HSPG2: variants seen among roughly 807,000 people sequenced by gnomAD.
HSPG2 encodes basement membrane-specific heparan sulfate proteoglycan core protein.
HSPG2 carries 278 observed loss-of-function variants against 526.6 expected under a neutral mutation model. That is an observed-to-expected ratio of 0.53 (90% CI 0.48 to 0.58). HSPG2 has a LOEUF of 0.58. Among genes scored for constraint, HSPG2 ranks in the 20% least tolerant of loss-of-function variants. The pLI, the probability that HSPG2 is intolerant of heterozygous loss-of-function variation, is 0.00. For synonymous variants in HSPG2, 2,465 were observed against 2,555.4 expected (o/e 0.96, Z 1.07); for missense variants, 5,354 against 6,099.5 (o/e 0.88, Z 4.07).
Position 21,890,176 on chromosome 1 carries a change from C to T in HSPG2, c.414-35G>A, listed in dbSNP as rs368722903. On this transcript the variant is annotated intron_variant, in intron 5 of 96. Coordinates refer to ENST00000374695, the MANE Select transcript of HSPG2 (RefSeq NM_005529.7). The surrounding 1 kb of genome is among the most constrained non-coding windows in gnomAD (Gnocchi z 4.1). Reference sequence around the variant, plus strand: ...GAGACAGGCAGGAGAGGAGGGTCAGCGAGACACCTGTGTTCTCAGCTCCTC... The same window carrying T: ...GAGACAGGCAGGAGAGGAGGGTCAGTGAGACACCTGTGTTCTCAGCTCCTC... The T allele has an allele frequency of 6.7e-5, 108 of 1,612,822 alleles. 2 individuals are homozygous for T. The African/African-American group carries it at 1.2e-3, about 18-fold the overall frequency.
At position 21,863,360 on chromosome 1, in the gene HSPG2, G is replaced by A. The variant is rs112707214; in HGVS notation, c.4740+740C>T. On this transcript the variant is annotated intron_variant, in intron 37 of 96. Transcript: ENST00000374695. ...TGCACTCCAGCCTGGGTGACGGAGC[G>A]AGACTGTCTTGAAAAAAAAAAGAAA... Among the ~76,000 whole-genome samples, 472 of 151,574 alleles carry A rather than the reference G, an allele frequency of 3.1e-3. 3 individuals are homozygous for A. The highest frequency in any genetic ancestry group is 0.011 in the African/African-American group (456 of 41,328).
rs537012215 is a variant in HSPG2 at position 21,855,917 on chromosome 1, C to T, written c.5576-5G>A. 3 of 1,607,878 alleles carry T rather than the reference C, an allele frequency of 1.9e-6. No homozygotes were observed. The African/African-American group carries it at 4.0e-5, about 21-fold the overall frequency. ...GGGCGGACAAGGTGCCCGAGGCTGA[C>T]AAGGGAGGAAAAGGAACATGCACTC... On this transcript the variant is annotated splice_polypyrimidine_tract_variant and splice_region_variant and intron_variant, in intron 44 of 96. Coordinates refer to ENST00000374695, the MANE Select transcript of HSPG2 (RefSeq NM_005529.7).
Position 21,849,036 on chromosome 1 carries a change from G to A in HSPG2, c.7447-5C>T, listed in dbSNP as rs756573541. 1.4e-5 allele frequency: 23 copies of A among 1,613,258 alleles called. No individual in the cohort carries two copies. The highest frequency in any genetic ancestry group is 1.9e-5 in the Non-Finnish European group (22 of 1,179,634). Reference sequence around the variant, plus strand: ...GCGTAGCCTCGAGCCATGCACCTGGGAGGGTCAGGAGGGAGGAGGCAGGCT... The same window carrying A: ...GCGTAGCCTCGAGCCATGCACCTGGAAGGGTCAGGAGGGAGGAGGCAGGCT... On this transcript the variant is annotated splice_region_variant and splice_polypyrimidine_tract_variant and intron_variant, in intron 57 of 96. Transcript: ENST00000374695.
At chr1:21,878,068 G>T in intron 21 of HSPG2, 118 bp downstream of exon 21, 2 of 931,986 alleles carry the variant, frequency 2.1e-6, no homozygotes, top group South Asian at 1.6e-5. Flanking sequence ...ACCAGCCTCT[G>T]ACTGGGTTAC....
intron 1 of HSPG2, among the ~76,000 whole-genome samples, chr1:21,926,787 A>AAT (rs1644206774): frequency 1.1e-5 from 1 of 91,884 alleles, no homozygotes; most frequent in Admixed American, 1.4e-4. Flanking sequence ...AAAAAAAAAA[A>AAT]AGAGAGAAAG....
Position 21,828,877 on chromosome 1 carries a change from C to G in HSPG2, c.12195G>C (p.Pro4065=), listed in dbSNP as rs573932867. The change falls in exon 88 of 97, where the codon CCG becomes CCC. Residue 4065 remains proline (P), a synonymous_variant. Coordinates refer to ENST00000374695, the MANE Select transcript of HSPG2 (RefSeq NM_005529.7). The surrounding 1 kb of genome is among the most constrained non-coding windows in gnomAD (Gnocchi z 6.0). ...GGVEPSVPLS[P]ATNMSAHFRG... ...GGAAGTGAGCGCTCATGTTGGTGGC[C>G]GGGGACAGTGGCACGGAAGGCTCCA... 1.0e-5 allele frequency: 16 copies of G among 1,552,610 alleles called. No individual in the cohort carries two copies. The highest frequency in any genetic ancestry group is 1.4e-5 in the African/African-American group (1 of 73,132).
chr1:21,862,277 C>T lies in HSPG2; in HGVS notation c.4741-162G>A, dbSNP rs779394291. Among the ~76,000 whole-genome samples, 14 of 152,228 alleles carry T rather than the reference C, an allele frequency of 9.2e-5. No homozygotes were observed. In the Middle Eastern group the frequency reaches 0.014, roughly 148 times the overall value. ...ATTTCATTACAAGGACACTCATCTC[C>T]GTGGTGTTTATAAAAAGCAAAATGG... is the stretch of plus-strand genomic sequence containing the variant. On this transcript the variant is annotated intron_variant, in intron 37 of 96. Transcript: ENST00000374695.
At position 21,839,498 on chromosome 1, in the gene HSPG2, C is replaced by G; in HGVS notation, c.9762G>C (p.Trp3254Cys). The G allele has an allele frequency of 6.2e-7, 1 of 1,614,108 alleles. No homozygotes were observed. Residue 3254 changes from tryptophan to cysteine, a missense_variant, in exon 73 of 97, where the codon TGG becomes TGC. Physicochemically the swap from Trp to Cys is radical, Grantham distance 215. Transcript: ENST00000374695. The surrounding 1 kb of genome is among the most constrained non-coding windows in gnomAD (Gnocchi z 4.5). ...GTGTGTCACCTTCCAGCCGGTGCTG[C>G]CAGGGCAGTGGGGAACGCAGCTTGG... ...HWSKLRSPLP[W>C]QHRLEGDTLI...
At chr1:21,876,962 G>A (rs1443937636) in intron 21 of HSPG2, among the ~76,000 whole-genome samples, 1 of 148,974 alleles carries the variant, frequency 6.7e-6, no homozygotes, top group African/African-American at 2.5e-5. Flanking sequence ...AGGAGGCTGA[G>A]GAAGGAGAAT....
intron 64 of HSPG2, 103 bp downstream of exon 64, chr1:21,846,005 C>G: frequency 7.1e-7 from 1 of 1,400,036 alleles, no homozygotes; most frequent in Non-Finnish European, 1.0e-6. Context: ...AGCGGCAGTT[C>G]TCGCCGAGTG....
At position 21,824,453 on chromosome 1, in the gene HSPG2, C is replaced by T. The variant is rs2097963164; in HGVS notation, c.12745-77G>A. On this transcript the variant is annotated intron_variant, in intron 93 of 96. Coordinates refer to ENST00000374695, the MANE Select transcript of HSPG2 (RefSeq NM_005529.7). This position sits in a 1 kb window ranked among gnomAD's most constrained non-coding sequence, Gnocchi z 5.9. ...TGCCGAGGCCAGGGGGCTCTGCTTTCCCCTCCCCCCACCACTCCGGCCACC... is the reference window on the plus strand; with the variant it reads ...TGCCGAGGCCAGGGGGCTCTGCTTTTCCCTCCCCCCACCACTCCGGCCACC... The T allele has an allele frequency of 2.5e-6, 4 of 1,601,478 alleles. No individual in the cohort carries two copies. Among genetic ancestry groups the T allele is most frequent in the Non-Finnish European group, 3.4e-6 (4 of 1,171,074 alleles).
intron 65 of HSPG2, among the ~76,000 whole-genome samples, chr1:21,843,677 C>T (rs961206657): frequency 5.3e-5 from 8 of 151,934 alleles, no homozygotes; most frequent in African/African-American, 1.5e-4. Context: ...GACAGTGTCT[C>T]GCTCTGTCAT....
intron 91 of HSPG2, 49 bp downstream of exon 91, chr1:21,827,814 A>G: frequency 3.2e-6 from 5 of 1,541,498 alleles, no homozygotes; most frequent in Non-Finnish European, 4.4e-6. Flanking sequence ...GGGTAACTGG[A>G]AGAGTGAGCT....
At chr1:21,924,396 A>G (rs556025945) in intron 1 of HSPG2, among the ~76,000 whole-genome samples, 3 of 152,282 alleles carry the variant, frequency 2.0e-5, no homozygotes, top group Admixed American at 1.3e-4. Flanking sequence ...AGGAATCAAT[A>G]GCGTCAATGA....
chr1:21,875,820 G>A (rs1572325858), intron 24 of HSPG2, 43 bp downstream of exon 24: 9 of 1,610,404 alleles, frequency 5.6e-6, no homozygotes, highest in Non-Finnish European at 7.6e-6. Context: ...GCAGGAGCAA[G>A]GGCCTGCCCG....
chr1:21,932,696 G>A (rs952898585), intron 1 of HSPG2, among the ~76,000 whole-genome samples: 3 of 152,168 alleles, frequency 2.0e-5, no homozygotes, highest in South Asian at 2.1e-4. Flanking sequence ...TGGATATTAC[G>A]GGGACAAATG....
intron 44 of HSPG2, 141 bp downstream of exon 44, chr1:21,856,874 T>C (rs927107554): frequency 2.3e-6 from 2 of 886,716 alleles, no homozygotes; most frequent in Non-Finnish European, 1.9e-6. Flanking sequence ...TTCTCTCCCC[T>C]GCTTCTGCAG....
chr1:21,895,934 C>A lies in HSPG2; in HGVS notation c.232G>T (p.Asp78Tyr), dbSNP rs1453245298. ...DLGSGDLGSGDFQMVYFRALV... is the reference protein window; with the variant it reads ...DLGSGDLGSGYFQMVYFRALV... ...TGCAGCAACTTACCCATCTGGAAGT[C>A]CCCGCTGCCCAGGTCCCCACTGCCC... Residue 78 changes from aspartate (D) to tyrosine (Y), a missense_variant, in exon 3 of 97, where the codon GAC becomes TAC. Asp to Tyr is a radical substitution (Grantham distance 160). Coordinates refer to ENST00000374695, the MANE Select transcript of HSPG2 (RefSeq NM_005529.7). This position sits in a 1 kb window ranked among gnomAD's most constrained non-coding sequence, Gnocchi z 4.1. 2 of 1,614,026 alleles carry A rather than the reference C, an allele frequency of 1.2e-6. No individual in the cohort carries two copies. The highest frequency in any genetic ancestry group is 8.5e-7 in the Non-Finnish European group (1 of 1,179,906).
rs1642911187 is a variant in HSPG2 at position 21,898,591 on chromosome 1, G to A, written c.64-2281C>T. 3.3e-5 allele frequency among the ~76,000 whole-genome samples: 5 copies of A among 152,354 alleles called. No individual in the cohort carries two copies. In the South Asian group the frequency reaches 6.2e-4, roughly 19 times the overall value. ...ATTCCCACAGTCCCTGGTTAGAACC[G>A]TAAGACCAGCCCCTACCAGGCGCTC... On this transcript the variant is annotated intron_variant, in intron 1 of 96. Coordinates refer to ENST00000374695, the MANE Select transcript of HSPG2 (RefSeq NM_005529.7). The surrounding 1 kb of genome is among the most constrained non-coding windows in gnomAD (Gnocchi z 4.0).
Sources: gnomAD v4.1 joint callset for allele counts (sites outside exome capture counted in the v4.1 genomes callset) on GRCh38, gnomAD v4.1.1 for gene constraint, Gnocchi (gnomAD v3.1) non-coding constraint, MANE v1.5 for transcripts, NCBI Gene and HGNC (gene_info 2026-07-23, HGNC 2026-07-21) for gene names.